The following ARHGAP18 variants were observed in gnomAD, a reference collection of about 807,000 sequenced individuals.
ARHGAP18 encodes the protein Rho GTPase activating protein 18, also known as rho GTPase-activating protein 18.
ARHGAP18 carries 67 observed loss-of-function variants against 86.2 expected under a neutral mutation model. The ratio of observed to expected loss-of-function variants is 0.78; its 90% CI spans 0.64 to 0.95. The LOEUF is 0.95. Among genes scored for constraint, ARHGAP18 ranks in the 40% least tolerant of loss-of-function variants. The pLI is 0.00. For synonymous variants in ARHGAP18, 283 were observed against 280.4 expected (o/e 1.01, Z -0.09); for missense variants, 691 against 780.4 (o/e 0.89, Z 1.37).
rs544753617 is a variant in ARHGAP18 at position 129,590,001 on chromosome 6, GA to G, written c.1714-5890del. Among the ~76,000 whole-genome samples the G allele has an allele frequency of 5.9e-5, 9 of 152,236 alleles. No individual in the cohort carries two copies. The East Asian group carries it at 1.7e-3, about 29-fold the overall frequency. ...TCCAGAGCAGGAAGCATCCAGCCAG[GA>G]AAAAGATGAAGGCCAGAGGACTCAG... On this transcript the variant is annotated intron_variant, in intron 12 of 14. Transcript: ENST00000368149.
At chr6:129,673,549 T>G (rs1774177338) in intron 1 of ARHGAP18, among the ~76,000 whole-genome samples, 1 of 152,236 alleles carries the variant, frequency 6.6e-6, no homozygotes, top group Admixed American at 6.5e-5. Context: ...GATTCATACA[T>G]TTTTAAGCTC....
chr6:129,702,489 C>T (rs767557689), intron 1 of ARHGAP18, among the ~76,000 whole-genome samples: 1 of 152,132 alleles, frequency 6.6e-6, no homozygotes, highest in East Asian at 1.9e-4. Context: ...TCAAAATATT[C>T]GTATGAAATG....
intron 12 of ARHGAP18, among the ~76,000 whole-genome samples, chr6:129,594,557 G>T (rs1164415872): frequency 6.6e-6 from 1 of 152,074 alleles, no homozygotes; most frequent in East Asian, 1.9e-4. Flanking sequence ...AATCCCAAAG[G>T]TGTGCCTCCA....
chr6:129,609,053 T>G (rs1349414724), intron 8 of ARHGAP18, among the ~76,000 whole-genome samples: 54 of 98,054 alleles, frequency 5.5e-4, no homozygotes, highest in Middle Eastern at 9.1e-3. Flanking sequence ...GAGTGGGAGA[T>G]AGGGAGGGAA....
intron 1 of ARHGAP18, among the ~76,000 whole-genome samples, chr6:129,672,353 C>T (rs1774156146): frequency 6.6e-6 from 1 of 152,206 alleles, no homozygotes; most frequent in South Asian, 2.1e-4. Flanking sequence ...TCTCTGGGAC[C>T]TTCCAGTTCC....
chr6:129,624,739 G>A (rs1584058084), intron 5 of ARHGAP18, among the ~76,000 whole-genome samples: 1 of 151,306 alleles, frequency 6.6e-6, no homozygotes, highest in African/African-American at 2.4e-5. Flanking sequence ...GAGGAGAGGA[G>A]TTCAAGACAA....
intron 12 of ARHGAP18, among the ~76,000 whole-genome samples, chr6:129,585,106 C>G (rs746970615): frequency 1.3e-5 from 2 of 149,464 alleles, no homozygotes; most frequent in Non-Finnish European, 3.0e-5. Flanking sequence ...GCCTGGCCAA[C>G]ATGGCGAAAC....
chr6:129,675,522 A>G (rs1774216488), intron 1 of ARHGAP18, among the ~76,000 whole-genome samples: 1 of 152,008 alleles, frequency 6.6e-6, no homozygotes. Context: ...TTCACATTCC[A>G]TTATCTGGCA....
chr6:129,611,726 T>A, intron 7 of ARHGAP18, 116 bp from the exon 8 acceptor site: 2 of 800,800 alleles, frequency 2.5e-6, no homozygotes, highest in Non-Finnish European at 4.0e-6. Context: ...AAACTGGATT[T>A]TATGAGGTTT....
At chr6:129,655,430 TC>T (rs1773816418) in intron 1 of ARHGAP18, among the ~76,000 whole-genome samples, 1 of 151,470 alleles carries the variant, frequency 6.6e-6, no homozygotes, top group Non-Finnish European at 1.5e-5. Flanking sequence ...TGTAATATCC[TC>T]CAGGGCAGAA....
chr6:129,663,222 A>G (rs1773985957), intron 1 of ARHGAP18, among the ~76,000 whole-genome samples: 1 of 152,218 alleles, frequency 6.6e-6, no homozygotes, highest in Admixed American at 6.5e-5. Context: ...GACCCTAGAG[A>G]TCACTAAGTC....
At chr6:129,706,756 A>G (rs1166874969) in intron 1 of ARHGAP18, among the ~76,000 whole-genome samples, 10 of 150,924 alleles carry the variant, frequency 6.6e-5, no homozygotes, top group Non-Finnish European at 1.5e-5. Flanking sequence ...GGGTGGTGGC[A>G]CTCGCCTGTA....
At chr6:129,653,363 T>C (rs1773756258) in intron 1 of ARHGAP18, among the ~76,000 whole-genome samples, 1 of 152,184 alleles carries the variant, frequency 6.6e-6, no homozygotes, top group African/African-American at 2.4e-5. Context: ...AAAAGAAAAC[T>C]GCTTCCTTTA....
chr6:129,692,759 G>A (rs776377321), intron 1 of ARHGAP18, among the ~76,000 whole-genome samples: 3 of 152,120 alleles, frequency 2.0e-5, no homozygotes, highest in African/African-American at 7.2e-5. Flanking sequence ...GGCAATCCCC[G>A]TACCTTTGGC....
intron 5 of ARHGAP18, among the ~76,000 whole-genome samples, chr6:129,627,122 T>A (rs1413089274): frequency 1.3e-5 from 2 of 152,146 alleles, no homozygotes; most frequent in African/African-American, 4.8e-5. Context: ...GTTAAGACTA[T>A]TTTTACAAAT....
chr6:129,647,451 T>C (rs1773604116), intron 1 of ARHGAP18, among the ~76,000 whole-genome samples: 1 of 152,218 alleles, frequency 6.6e-6, no homozygotes, highest in African/African-American at 2.4e-5. Flanking sequence ...CGAGGCATTT[T>C]TGTGCCCCAA....
chr6:129,641,133 G>C (rs1408016365), intron 2 of ARHGAP18, among the ~76,000 whole-genome samples: 1 of 152,122 alleles, frequency 6.6e-6, no homozygotes, highest in Non-Finnish European at 1.5e-5. Context: ...CTAAACATGA[G>C]CCGTTGCATC....
chr6:129,609,747 G>C (rs942476141), intron 8 of ARHGAP18, among the ~76,000 whole-genome samples: 2 of 152,056 alleles, frequency 1.3e-5, no homozygotes, highest in African/African-American at 4.8e-5. Flanking sequence ...CTAAGTACCA[G>C]ACACCAAACC....
intron 12 of ARHGAP18, among the ~76,000 whole-genome samples, chr6:129,587,913 A>G (rs761191865): frequency 2.6e-5 from 4 of 152,142 alleles, no homozygotes; most frequent in Admixed American, 6.5e-5. Flanking sequence ...CATTTACCCA[A>G]AAGTCCAAGT....
Sources: allele counts gnomAD v4.1 joint callset (sites outside exome capture counted in the v4.1 genomes callset), GRCh38; gene constraint gnomAD v4.1.1; transcripts MANE v1.5; gene names NCBI Gene and HGNC (gene_info 2026-07-23, HGNC 2026-07-21).